TTC14: variants seen among roughly 807,000 people sequenced by gnomAD.
TTC14 encodes tetratricopeptide repeat domain 14, also known as tetratricopeptide repeat protein 14.
Under a neutral mutation model 79.9 loss-of-function variants are expected in TTC14, and 63 were observed. The observed-to-expected ratio is 0.79, with a 90% CI of 0.64 to 0.97. The LOEUF is 0.97. Ranked by LOEUF, TTC14 falls within the 50% of genes least tolerant of loss-of-function variation. The pLI is 0.00. For synonymous variants in TTC14, 335 were observed against 309.6 expected (o/e 1.08, Z -0.86); for missense variants, 895 against 894.0 (o/e 1.00, Z -0.01).
chr3:180,607,582 C>G, intron 9 of TTC14, 66 bp from the exon 10 acceptor site: 1 of 1,533,266 alleles, frequency 6.5e-7, no homozygotes, highest in Non-Finnish European at 8.7e-7. Context: ...AAGCCTTTGA[C>G]CTGTATGCAT....
rs752596075 is a variant in TTC14, at chr3:180,602,260, C to T, written c.-2C>T. On this transcript the variant is annotated 5_prime_UTR_variant, in exon 1 of 12. Transcript: ENST00000296015. ...GGCCTCCGGGCCCTGCATTCTCTAG[C>T]CATGGACCGGGACCTTTTGCGGCAG... is the stretch of plus-strand genomic sequence containing the variant. 5.0e-6 allele frequency: 8 copies of T among 1,613,740 alleles called. No homozygotes were observed. Among genetic ancestry groups the T allele is most frequent in the Middle Eastern group, 1.7e-4 (1 of 6,060 alleles).
chr3:180,609,249 C>T lies in TTC14; in HGVS notation c.1401-381C>T, dbSNP rs188163169. Reference sequence around the variant, plus strand: ...TGTAATGCACAGGTCAGCTCCCACCCGCACCCCCACCCCCTACCAAGAATT... The same window carrying T: ...TGTAATGCACAGGTCAGCTCCCACCTGCACCCCCACCCCCTACCAAGAATT... On this transcript the variant is annotated intron_variant, in intron 11 of 11. Coordinates refer to ENST00000296015, the MANE Select transcript of TTC14 (RefSeq NM_133462.4). 1.4e-4 allele frequency: 76 copies of T among 542,608 alleles called. 1 individual carries two copies. The highest frequency in any genetic ancestry group is 1.2e-3 in the African/African-American group (59 of 48,524). 33.6% of individuals were successfully genotyped at this position (542,608 alleles called of 1,614,324 possible). A position where few individuals can be genotyped will look rare whatever the true frequency, so the allele number is the denominator to read the frequency against.
rs1716978595 is a variant in TTC14 at position 180,611,093 on chromosome 3, A to G, written c.*551A>G. 2.0e-6 allele frequency: 2 copies of G among 983,088 alleles called. No individual in the cohort carries two copies. Among genetic ancestry groups the G allele is most frequent in the Non-Finnish European group, 2.4e-6 (2 of 827,946 alleles). The allele number at this position is 983,088 out of a possible 1,614,324, so 60.9% of individuals were successfully genotyped here. A position where few individuals can be genotyped will look rare whatever the true frequency, so the allele number is the denominator to read the frequency against. On this transcript the variant is annotated 3_prime_UTR_variant, in exon 12 of 12. Coordinates refer to ENST00000296015, the MANE Select transcript of TTC14 (RefSeq NM_133462.4). ...AGATTATATGTCTTAATTTTCCTCTAAAGCCCAATTTGATTAAAAGTGGTT... is the reference window on the plus strand; with the variant it reads ...AGATTATATGTCTTAATTTTCCTCTGAAGCCCAATTTGATTAAAAGTGGTT...
chr3:180,610,278 G>T lies in TTC14; in HGVS notation c.2049G>T (p.Glu683Asp), dbSNP rs147128648. The T allele has an allele frequency of 5.9e-4, 948 of 1,613,540 alleles. 9 individuals carry two copies. The African/African-American group carries it at 0.011, about 19-fold the overall frequency. The part of the protein sequence containing the change: ...ASSEYSWKSV[E>D]KYKKYAHSGS... ...CAGAATACTCTTGGAAGTCAGTTGAGAAATACAAAAAATACGCTCACTCTG... is the reference window on the plus strand; with the variant it reads ...CAGAATACTCTTGGAAGTCAGTTGATAAATACAAAAAATACGCTCACTCTG... Residue 683 changes from glutamate (E) to aspartate (D), a missense_variant, in exon 12 of 12, where the codon GAG becomes GAT. Transcript: ENST00000296015.
In TTC14 at chr3:180,606,344, G is replaced by T; in HGVS notation, c.1021G>T (p.Val341Leu). ...AGCTTTGGAAATAGACAAACAAAACGTGGAAGCTTTGGTAGCTCGTGGAGC... is the reference window on the plus strand; with the variant it reads ...AGCTTTGGAAATAGACAAACAAAACTTGGAAGCTTTGGTAGCTCGTGGAGC... Reference protein sequence around the residue: ...NKALEIDKQNVEALVARGALY... With the variant: ...NKALEIDKQNLEALVARGALY... Residue 341 changes from valine (V) to leucine (L), a missense_variant, in exon 8 of 12, where the codon GTG becomes TTG. Val to Leu is a conservative substitution (Grantham distance 32). Transcript: ENST00000296015. 6.2e-7 allele frequency: 1 copy of T among 1,614,080 alleles called. No individual in the cohort carries two copies. Among genetic ancestry groups the T allele is most frequent in the Non-Finnish European group, 8.5e-7 (1 of 1,179,958 alleles).
rs116871340 is a variant in TTC14, at chr3:180,605,198, T to C, written c.857+191T>C. The C allele has an allele frequency of 8.2e-4, 363 of 444,972 alleles. 3 individuals are homozygous for C. In the East Asian group the frequency reaches 0.012, roughly 15 times the overall value. The allele number at this position is 444,972 out of a possible 1,614,324, so 27.6% of individuals were successfully genotyped here. On this transcript the variant is annotated intron_variant, in intron 6 of 11. Coordinates refer to ENST00000296015, the MANE Select transcript of TTC14 (RefSeq NM_133462.4). ...ATCAGTGATTAATATGTGTACCATGTAACCAAGTAGAGAAGGATGCAGAAA... is the reference window on the plus strand; with the variant it reads ...ATCAGTGATTAATATGTGTACCATGCAACCAAGTAGAGAAGGATGCAGAAA...
exon 13 of TTC14, chr3:180,617,620 AG>A (rs1717298115): frequency 7.4e-6 from 3 of 408,108 alleles, no homozygotes; most frequent in Middle Eastern, 3.7e-4. Flanking sequence ...AAAATTAAAA[AG>A]TAAAAAAACT....
At chr3:180,609,150 C>G in intron 11 of TTC14, 1 of 693,912 alleles carries the variant, frequency 1.4e-6, no homozygotes, top group Non-Finnish European at 1.8e-6. Context: ...GATGTGGAGA[C>G]ATTTTTGATT....
downstream of TTC14, among the ~76,000 whole-genome samples, chr3:180,613,220 C>G (rs1221331464): frequency 6.6e-6 from 1 of 152,168 alleles, no homozygotes; most frequent in Non-Finnish European, 1.5e-5. Flanking sequence ...TTTACATTGT[C>G]AAGAATAGCG....
At chr3:180,602,567 G>T in intron 1 of TTC14, 145 bp downstream of exon 1, 1 of 1,144,474 alleles carries the variant, frequency 8.7e-7, no homozygotes, top group Non-Finnish European at 1.2e-6. Context: ...TGGGCTGGGT[G>T]GACGGGGGGC....
chr3:180,609,643 AG>A lies in TTC14; in HGVS notation c.1415del (p.Arg472LysfsTer57). 6.4e-7 allele frequency: 1 copy of A among 1,557,472 alleles called. No homozygotes were observed. The highest frequency in any genetic ancestry group is 8.6e-7 in the Non-Finnish European group (1 of 1,158,866). The stretch of plus-strand genomic sequence containing the variant: ...TGTTTTTTTTAGGCTAAAGAAGAAA[AG>A]AAGAAAATCAACTTCTTCTTCAAGT... ...LKEEKRLKKKRRKSTSSSSVS... is the reference protein window; with the variant it reads ...LKEEKRLKKKXRKSTSSSSVS... On this transcript the variant is annotated frameshift_variant, in exon 12 of 12. Coordinates refer to ENST00000296015, the MANE Select transcript of TTC14 (RefSeq NM_133462.4). LOFTEE classifies it high-confidence loss of function.
intron 12 of TTC14, chr3:180,616,334 T>C (rs1717239357): frequency 6.2e-7 from 1 of 1,613,284 alleles, no homozygotes; most frequent in South Asian, 1.1e-5. Flanking sequence ...GACTGCCTTT[T>C]GTGCTAGCTG....
At chr3:180,608,032 G>GTGGTTTTTAAATTAT (rs1716787684) in intron 10 of TTC14, 2 of 1,128,004 alleles carry the variant, frequency 1.8e-6, no homozygotes, top group Non-Finnish European at 2.2e-6. Context: ...AGCTCACCTG[G>GTGGTTTTTAAATTAT]TGGTTTTTAA....
At position 180,616,851 on chromosome 3, in the gene TTC14, G is replaced by C. The variant is rs7613155; in HGVS notation, c.1775-529G>C. 2.5e-6 allele frequency: 4 copies of C among 1,609,422 alleles called. No homozygotes were observed. In the South Asian group the frequency reaches 4.4e-5, roughly 18 times the overall value. ...CTGTTTGGTCACTCTTTCTAATTTT[G>C]GCTTCTGCTCCTCCGTTTCTTTACT... On this transcript the variant is annotated intron_variant, in intron 12 of 12. Coordinates refer to the TTC14 transcript ENST00000382584.
chr3:180,614,938 T>G, downstream of TTC14: 1 of 1,564,400 alleles, frequency 6.4e-7, no homozygotes, highest in Non-Finnish European at 8.7e-7. Flanking sequence ...CTGCTCTTTT[T>G]GCTCTTAACA....
chr3:180,608,478 T>C lies in TTC14; in HGVS notation c.1291-223T>C, dbSNP rs528688348. 10 of 1,064,578 alleles carry C rather than the reference T, an allele frequency of 9.4e-6. No homozygotes were observed. The South Asian group carries it at 3.8e-4, about 40-fold the overall frequency. The allele number at this position is 1,064,578 out of a possible 1,614,324, so 65.9% of individuals were successfully genotyped here. On this transcript the variant is annotated intron_variant, in intron 10 of 11. Transcript: ENST00000296015. Reference sequence around the variant, plus strand: ...TCCCCTTTTTTTATGGGATACCAACTGCAATATGGTCCTCAATGCTGTTCT... The same window carrying C: ...TCCCCTTTTTTTATGGGATACCAACCGCAATATGGTCCTCAATGCTGTTCT...
At chr3:180,615,167 A>C (rs11712658), downstream of TTC14, 1 of 937,958 alleles carries the variant, frequency 1.1e-6, no homozygotes, top group East Asian at 2.8e-5. Context: ...CCATAATTCC[A>C]TAAGTAAAGA....
At chr3:180,615,803 A>G (rs187565983), downstream of TTC14, among the ~76,000 whole-genome samples, 646 of 137,970 alleles carry the variant, frequency 4.7e-3, 6 homozygotes, top group South Asian at 0.013. Flanking sequence ...ACTGCAGAAG[A>G]AAAAAAAAGG....
In TTC14 at chr3:180,610,980, T is replaced by TATG. The variant is rs1213187323; in HGVS notation, c.*439_*441dup. ...AAAATCGTCAGCTTTTGAAAGATTA[T>TATG]ATGTTCGAATGTTTCTTGAACACTT... On this transcript the variant is annotated 3_prime_UTR_variant, in exon 12 of 12. Transcript: ENST00000296015. 1.1e-6 allele frequency: 1 copy of TATG among 946,432 alleles called. No homozygotes were observed. The allele number at this position is 946,432 out of a possible 1,614,324, so 58.6% of individuals were successfully genotyped here. A position where few individuals can be genotyped will look rare whatever the true frequency, so the allele number is the denominator to read the frequency against.
Sources: gnomAD v4.1 joint callset for allele counts (sites outside exome capture counted in the v4.1 genomes callset) on GRCh38, gnomAD v4.1.1 for gene constraint, MANE v1.5 for transcripts, NCBI Gene and HGNC (gene_info 2026-07-23, HGNC 2026-07-21) for gene names.